The following CLRN1 variants were observed in gnomAD, a reference collection of about 807,000 sequenced individuals.
The protein encoded by CLRN1 is clarin 1, also known as clarin-1.
Under a neutral mutation model 18.7 loss-of-function variants are expected in CLRN1, and 15 were observed. The observed-to-expected ratio is 0.80, with a 90% CI of 0.54 to 1.23. CLRN1 has a LOEUF of 1.23. CLRN1 is among the 50% of genes most tolerant of loss of function. The probability of loss-of-function intolerance (pLI) is 0.00; values close to 1 mark genes in which losing one functional copy is unlikely to be tolerated. For synonymous variants in CLRN1, 104 were observed against 102.9 expected (o/e 1.01, Z -0.07); for missense variants, 311 against 277.5 (o/e 1.12, Z -0.86).
chr3:150,945,718 A>G, intron 1 of CLRN1: 1 of 1,093,394 alleles, frequency 9.1e-7, no homozygotes, highest in Non-Finnish European at 1.2e-6. Flanking sequence ...AAACTTTGAG[A>G]TACCATTTTC....
At chr3:150,968,129 C>G (rs1715351137) in intron 1 of CLRN1, among the ~76,000 whole-genome samples, 1 of 152,102 alleles carries the variant, frequency 6.6e-6, no homozygotes, top group Non-Finnish European at 1.5e-5. Flanking sequence ...GCTCATTGAA[C>G]TATCTTGGCA....
At chr3:150,970,618 A>C (rs1441340675) in intron 1 of CLRN1, among the ~76,000 whole-genome samples, 1 of 152,164 alleles carries the variant, frequency 6.6e-6, no homozygotes, top group Non-Finnish European at 1.5e-5. Flanking sequence ...TAATATGTAT[A>C]GTCTATTGTA....
At chr3:150,963,628 CA>C (rs1196487317) in intron 1 of CLRN1, among the ~76,000 whole-genome samples, 1 of 152,114 alleles carries the variant, frequency 6.6e-6, no homozygotes, top group African/African-American at 2.4e-5. Context: ...GCAAAAAGAA[CA>C]AAACTGGAGG....
At chr3:150,965,703 T>A (rs62282753) in intron 1 of CLRN1, among the ~76,000 whole-genome samples, 18,855 of 152,190 alleles carry the variant, frequency 0.12, 1,295 homozygotes, top group East Asian at 0.24. Context: ...CCTGCCCCTG[T>A]CAGACTCCTC....
At chr3:150,934,523 CA>C (rs1713342704) in intron 2 of CLRN1, among the ~76,000 whole-genome samples, 1 of 152,146 alleles carries the variant, frequency 6.6e-6, no homozygotes, top group Non-Finnish European at 1.5e-5. Context: ...TTATCACCTC[CA>C]AAAGGCCTGA....
intron 1 of CLRN1, among the ~76,000 whole-genome samples, chr3:150,942,273 T>C (rs1255508246): frequency 3.3e-5 from 5 of 152,226 alleles, no homozygotes; most frequent in Non-Finnish European, 2.9e-5. Context: ...TTCAATATTT[T>C]AATGTAGCAC....
chr3:150,962,095 C>T (rs764151809), intron 1 of CLRN1, among the ~76,000 whole-genome samples: 6 of 152,160 alleles, frequency 3.9e-5, no homozygotes, highest in Non-Finnish European at 5.9e-5. Context: ...GGGATGACAG[C>T]GGCTGTGGCA....
At chr3:150,938,884 A>G (rs11720116) in intron 2 of CLRN1, among the ~76,000 whole-genome samples, 37,096 of 152,220 alleles carry the variant, frequency 0.24, 5,371 homozygotes, top group South Asian at 0.43. Context: ...AGGCCTGGCC[A>G]AAGGCAGAGA....
At chr3:150,956,444 A>G (rs1275981443) in intron 1 of CLRN1, among the ~76,000 whole-genome samples, 1 of 152,194 alleles carries the variant, frequency 6.6e-6, no homozygotes, top group Admixed American at 6.5e-5. Flanking sequence ...GAGAGCTAGA[A>G]GAAACTAGTC....
At position 150,964,256 on chromosome 3, in the gene CLRN1, G is replaced by C. The variant is rs145798276; in HGVS notation, c.253+8200C>G. 2.0e-5 allele frequency among the ~76,000 whole-genome samples: 3 copies of C among 151,902 alleles called. No homozygotes were observed. The East Asian group carries it at 5.8e-4, about 29-fold the overall frequency. ...TAAAAAGTGGGCAAAGGATATGAAC[G>C]GACACTTCTCAAAAGAAGACATTTA... is the stretch of plus-strand genomic sequence containing the variant. On this transcript the variant is annotated intron_variant, in intron 1 of 2. Coordinates refer to ENST00000327047, the MANE Select transcript of CLRN1 (RefSeq NM_174878.3).
intron 2 of CLRN1, 48 bp downstream of exon 2, chr3:150,941,534 A>AT (rs776487208): frequency 6.4e-7 from 1 of 1,573,368 alleles, no homozygotes; most frequent in South Asian, 1.1e-5. Context: ...GGTCTTTTTG[A>AT]CATATTGAAA....
chr3:150,966,337 T>C (rs1253389149), intron 1 of CLRN1, among the ~76,000 whole-genome samples: 1 of 152,138 alleles, frequency 6.6e-6, no homozygotes, highest in Non-Finnish European at 1.5e-5. Flanking sequence ...ACAAATACTC[T>C]TGGAGTGTTA....
chr3:150,941,171 TCTCTTTC>T (rs1713811778), intron 2 of CLRN1, among the ~76,000 whole-genome samples: 2 of 111,282 alleles, frequency 1.8e-5, no homozygotes, highest in African/African-American at 2.9e-5. Flanking sequence ...TATCTATCTA[TCTCTTTC>T]ATATATATAT....
chr3:150,953,395 C>T (rs181552744), intron 1 of CLRN1, among the ~76,000 whole-genome samples: 1 of 152,278 alleles, frequency 6.6e-6, no homozygotes, highest in East Asian at 1.9e-4. Flanking sequence ...GTCTCGGTCT[C>T]CTCATACTTA....
chr3:150,967,974 T>C (rs1715344687), intron 1 of CLRN1, among the ~76,000 whole-genome samples: 1 of 152,226 alleles, frequency 6.6e-6, no homozygotes, highest in South Asian at 2.1e-4. Context: ...TGAACTAATT[T>C]CTGTTCAGCT....
chr3:150,948,281 G>A (rs1714284170), intron 1 of CLRN1, among the ~76,000 whole-genome samples: 1 of 151,822 alleles, frequency 6.6e-6, no homozygotes, highest in African/African-American at 2.4e-5. Context: ...TCAGGAGATC[G>A]AGACCATCCT....
chr3:150,951,627 C>T (rs562668170), intron 1 of CLRN1, among the ~76,000 whole-genome samples: 6 of 152,210 alleles, frequency 3.9e-5, no homozygotes, highest in South Asian at 2.1e-4. Flanking sequence ...TGTCAGTCAC[C>T]GCGCCCGGCC....
At chr3:150,930,855 G>A (rs1258311650) in intron 2 of CLRN1, among the ~76,000 whole-genome samples, 1 of 152,238 alleles carries the variant, frequency 6.6e-6, no homozygotes, top group Non-Finnish European at 1.5e-5. Context: ...CAGCAAGGCT[G>A]TATTTCAAAT....
intron 2 of CLRN1, among the ~76,000 whole-genome samples, chr3:150,932,700 G>A (rs753095868): frequency 5.9e-5 from 9 of 152,176 alleles, no homozygotes; most frequent in Non-Finnish European, 1.3e-4. Context: ...AATGTCACTA[G>A]AAAGTTAGTA....
Sources: allele counts gnomAD v4.1 joint callset (sites outside exome capture counted in the v4.1 genomes callset), GRCh38; gene constraint gnomAD v4.1.1; transcripts MANE v1.5; gene names NCBI Gene and HGNC (gene_info 2026-07-23, HGNC 2026-07-21).